Variants in C3 observed in about 807,000 individuals in gnomAD.
The protein encoded by C3 is complement C3.
A neutral mutation model predicts 207.9 loss-of-function variants in C3; 97 were observed. The observed-to-expected ratio is 0.47, with a 90% CI of 0.40 to 0.55. C3 has a LOEUF of 0.55. C3 is among the 20% of genes least tolerant of loss of function. The pLI is 0.00. For missense variants in C3, 1,684 were observed against 2,171.7 expected (o/e 0.78, Z 4.46); for synonymous variants, 848 against 857.6 (o/e 0.99, Z 0.20).
chr19:6,700,187 ATATAT>A (rs1967614066), intron 19 of C3, among the ~76,000 whole-genome samples: 1 of 138,142 alleles, frequency 7.2e-6, no homozygotes, highest in African/African-American at 2.7e-5. Flanking sequence ...TGTTTACATA[ATATAT>A]TACATGTGTA....
At chr19:6,711,335 A>G (rs1234190722) in intron 11 of C3, 139 bp from the exon 12 acceptor site, 3 of 716,916 alleles carry the variant, frequency 4.2e-6, no homozygotes, top group African/African-American at 3.5e-5. Flanking sequence ...TGGAGATGGA[A>G]TCATTATCCT....
intron 20 of C3, 29 bp from the exon 21 acceptor site, chr19:6,697,585 G>C: frequency 1.9e-6 from 3 of 1,613,894 alleles, no homozygotes; most frequent in Non-Finnish European, 2.5e-6. Flanking sequence ...ATCCGGGCAA[G>C]TGTGTGTGCA....
chr19:6,717,880 A>C, intron 4 of C3: 1 of 638,722 alleles, frequency 1.6e-6, no homozygotes, highest in Non-Finnish European at 2.9e-6. Context: ...GTGTCTGCAT[A>C]TCTCTTTGCC....
At chr19:6,696,306 C>T in intron 23 of C3, 73 bp downstream of exon 23, 1 of 932,420 alleles carries the variant, frequency 1.1e-6, no homozygotes. Context: ...TTAAACACCT[C>T]CAGAATGAGA....
chr19:6,678,325 G>C (rs1252608166), intron 39 of C3, 38 bp from the exon 40 acceptor site: 1 of 1,614,072 alleles, frequency 6.2e-7, no homozygotes, highest in African/African-American at 1.3e-5. Flanking sequence ...TGAGTCGTGG[G>C]GAGGAAGCCA....
chr19:6,696,281 A>C, intron 23 of C3, 98 bp downstream of exon 23: 6 of 736,402 alleles, frequency 8.1e-6, no homozygotes, highest in African/African-American at 1.7e-5. Flanking sequence ...CTGAAGGGGA[A>C]GAGAAAGGTG....
At chr19:6,692,333 G>A (rs1018842049) in intron 26 of C3, among the ~76,000 whole-genome samples, 4 of 152,174 alleles carry the variant, frequency 2.6e-5, no homozygotes, top group African/African-American at 7.2e-5. Context: ...ATCACACTTC[G>A]AGAACCAGTG....
chr19:6,683,835 T>C (rs344549), intron 33 of C3, among the ~76,000 whole-genome samples: 101,361 of 152,184 alleles, frequency 0.67, 33,987 homozygotes, highest in African/African-American at 0.72. Flanking sequence ...TGGCTCATGC[T>C]TGTGATCCCA....
chr19:6,682,109 T>C, intron 34 of C3, 33 bp downstream of exon 34: 1 of 1,608,378 alleles, frequency 6.2e-7, no homozygotes, highest in Admixed American at 1.7e-5. Context: ...CCAGGCTCCT[T>C]TCCACTTATC....
intron 19 of C3, among the ~76,000 whole-genome samples, chr19:6,701,544 G>C (rs1967672614): frequency 6.6e-6 from 1 of 152,166 alleles, no homozygotes; most frequent in Admixed American, 6.6e-5. Context: ...TTTAGAGAAG[G>C]AGTTTTGCTC....
chr19:6,694,933 A>G (rs1488988542), intron 23 of C3, among the ~76,000 whole-genome samples: 1 of 152,184 alleles, frequency 6.6e-6, no homozygotes. Context: ...GCTTAATGTT[A>G]CTTTCCAGAC....
chr19:6,708,561 C>CTCCTTCCT (rs369901403), intron 14 of C3, among the ~76,000 whole-genome samples: 1 of 147,430 alleles, frequency 6.8e-6, no homozygotes, highest in Non-Finnish European at 1.5e-5. Context: ...CCCTCCTTCC[C>CTCCTTCCT]TCCTTCCTTC....
intron 38 of C3, 59 bp downstream of exon 38, chr19:6,679,066 A>T: frequency 7.5e-7 from 1 of 1,334,792 alleles, no homozygotes; most frequent in Non-Finnish European, 1.1e-6. Flanking sequence ...CCTACCACCC[A>T]CCACACAATT....
intron 33 of C3, 72 bp downstream of exon 33, chr19:6,684,316 A>G: frequency 2.6e-6 from 3 of 1,146,760 alleles, no homozygotes; most frequent in Non-Finnish European, 4.0e-6. Context: ...AATATCATGG[A>G]TATTATTTGC....
intron 4 of C3, among the ~76,000 whole-genome samples, chr19:6,715,084 A>G (rs146662591): frequency 1.8e-3 from 268 of 152,240 alleles, no homozygotes; most frequent in African/African-American, 6.2e-3. Context: ...AATAACTAGT[A>G]GTGTCATTTC....
intron 4 of C3, among the ~76,000 whole-genome samples, chr19:6,715,770 C>T (rs1024272262): frequency 2.0e-5 from 3 of 150,612 alleles, no homozygotes; most frequent in Non-Finnish European, 2.9e-5. Context: ...TACAGGTGCC[C>T]GCCACCACGC....
At chr19:6,689,456 C>T (rs955444939) in intron 27 of C3, among the ~76,000 whole-genome samples, 3 of 151,552 alleles carry the variant, frequency 2.0e-5, no homozygotes, top group Admixed American at 6.6e-5. Context: ...TGGCCCCTCC[C>T]CTCCATCTCT....
chr19:6,707,960 G>A, intron 14 of C3, 31 bp from the exon 15 acceptor site: 2 of 1,611,812 alleles, frequency 1.2e-6, no homozygotes, highest in Admixed American at 3.3e-5. Context: ...GCGGGACGCA[G>A]GGAGGCCAGG....
At chr19:6,689,850 C>T (rs950077171) in intron 27 of C3, among the ~76,000 whole-genome samples, 1 of 152,090 alleles carries the variant, frequency 6.6e-6, no homozygotes, top group Non-Finnish European at 1.5e-5. Context: ...GGTATGGTGG[C>T]GGGTGCCTGT....
Sources: allele counts gnomAD v4.1 joint callset (sites outside exome capture counted in the v4.1 genomes callset), GRCh38; gene constraint gnomAD v4.1.1; transcripts MANE v1.5; gene names NCBI Gene and HGNC (gene_info 2026-07-23, HGNC 2026-07-21).